Variants in SOX5 observed in about 807,000 individuals in gnomAD.
SOX5 encodes the protein transcription factor SOX-5.
In SOX5, 9 loss-of-function variants were observed where a neutral mutation model predicts 92.0. The observed-to-expected ratio is 0.10, with a 90% CI of 0.06 to 0.17. SOX5 has a LOEUF of 0.17. Among genes scored for constraint, SOX5 ranks in the 10% least tolerant of loss-of-function variants. SOX5 has a pLI of 1.00. For missense variants in SOX5, 642 were observed against 944.5 expected, an observed-to-expected ratio of 0.68 and a Z score of 4.20; for synonymous variants, 344 against 336.3, an observed-to-expected ratio of 1.02 and a Z score of -0.25.
At chr12:23,628,593 G>A (rs962602383) in intron 8 of SOX5, among the ~76,000 whole-genome samples, 5 of 151,942 alleles carry the variant, frequency 3.3e-5, no homozygotes, top group East Asian at 1.9e-4. Context: ...CTGTTCCTCC[G>A]TTTCTCCTTG....
At chr12:24,539,011 T>A (rs1177345528) in intron 1 of SOX5, among the ~76,000 whole-genome samples, 1 of 152,194 alleles carries the variant, frequency 6.6e-6, no homozygotes, top group Non-Finnish European at 1.5e-5. Context: ...CAAAAAGTCA[T>A]GGCAATTAAT....
intron 1 of SOX5, among the ~76,000 whole-genome samples, chr12:23,933,094 C>A (rs1042047807): frequency 1.3e-5 from 2 of 151,618 alleles, no homozygotes; most frequent in East Asian, 3.9e-4. Flanking sequence ...GTTTTGCTTT[C>A]TGAAGTTTCA....
chr12:23,931,757 T>C (rs1053978375), intron 1 of SOX5, among the ~76,000 whole-genome samples: 1 of 151,706 alleles, frequency 6.6e-6, no homozygotes. Flanking sequence ...CTGAGGTAAG[T>C]AGCATCTAGC....
Position 24,420,596 on chromosome 12 carries a change from A to T in SOX5, c.-250-51957T>A, listed in dbSNP as rs115181226. On this transcript the variant is annotated intron_variant, in intron 1 of 4. Transcript: ENST00000446891. Reference sequence around the variant, plus strand: ...CTGGAAAAATAAAAAGATATAATCAATTATTTATCCTGCCTTTCCTATATG... The same window carrying T: ...CTGGAAAAATAAAAAGATATAATCATTTATTTATCCTGCCTTTCCTATATG... Among the ~76,000 whole-genome samples, 784 of 152,324 alleles carry T rather than the reference A, an allele frequency of 5.1e-3. 5 individuals carry two copies. The highest frequency in any genetic ancestry group is 0.018 in the African/African-American group (765 of 41,578).
chr12:24,041,275 T>C (rs1346426376), intron 4 of SOX5, among the ~76,000 whole-genome samples: 2 of 152,204 alleles, frequency 1.3e-5, no homozygotes, highest in African/African-American at 4.8e-5. Flanking sequence ...TGAGTGATAC[T>C]AATCTTAGAT....
rs758550572 is a variant in SOX5, at chr12:23,546,349, T to C, written c.1564A>G (p.Met522Val). The C allele has an allele frequency of 3.4e-5, 55 of 1,602,592 alleles. No homozygotes were observed. The highest frequency in any genetic ancestry group is 4.4e-5 in the Non-Finnish European group (51 of 1,169,774). Residue 522 changes from methionine to valine, a missense_variant, in exon 12 of 15, where the codon ATG (methionine) becomes GTG (valine). Physicochemically the swap from Met to Val is conservative, Grantham distance 21. This residue lies in a region of SOX5 where 324 missense variants were observed against 461.6 expected (regional missense o/e 0.70). Coordinates refer to ENST00000451604, the MANE Select transcript of SOX5 (RefSeq NM_006940.6). ...TCTCCACTCAGATTGAAATCCATCA[T>C]TGCATGGCTAAATTTTCCTTCTTCA... ...QNEEGKFSHA[M>V]MDFNLSGDSD...
At chr12:24,171,215 TTG>T (rs751744580) in intron 4 of SOX5, among the ~76,000 whole-genome samples, 19,203 of 49,702 alleles carry the variant, frequency 0.39, 4,053 homozygotes, top group East Asian at 0.65. Flanking sequence ...ACAGTTTTTT[TTG>T]TTTGTTTGTT....
chr12:24,372,920 C>A (rs1845668068), intron 1 of SOX5, among the ~76,000 whole-genome samples: 1 of 144,768 alleles, frequency 6.9e-6, no homozygotes, highest in Non-Finnish European at 1.5e-5. Context: ...TCAAGACCAG[C>A]CTGGGAAAAA....
At chr12:23,665,052 T>C (rs969178341) in intron 7 of SOX5, among the ~76,000 whole-genome samples, 2 of 152,140 alleles carry the variant, frequency 1.3e-5, no homozygotes, top group African/African-American at 4.8e-5. Flanking sequence ...ATTTAGGCTG[T>C]AAATATTTGG....
At chr12:24,330,750 T>C (rs1438918348) in intron 2 of SOX5, among the ~76,000 whole-genome samples, 3 of 152,254 alleles carry the variant, frequency 2.0e-5, no homozygotes, top group Non-Finnish European at 4.4e-5. Flanking sequence ...TGAGTGAATA[T>C]GTCTGCACAG....
At chr12:23,849,947 T>C (rs1196788761) in intron 2 of SOX5, among the ~76,000 whole-genome samples, 1 of 152,106 alleles carries the variant, frequency 6.6e-6, no homozygotes, top group Non-Finnish European at 1.5e-5. Flanking sequence ...GTTTTCAATT[T>C]AGAAAAAAGC....
intron 4 of SOX5, among the ~76,000 whole-genome samples, chr12:23,748,425 T>G (rs1398655945): frequency 6.6e-6 from 1 of 151,932 alleles, no homozygotes; most frequent in Non-Finnish European, 1.5e-5. Flanking sequence ...ATCGAAATAA[T>G]AAGAAAAAAT....
intron 4 of SOX5, among the ~76,000 whole-genome samples, chr12:23,996,416 C>T (rs999116046): frequency 1.8e-4 from 28 of 152,084 alleles, no homozygotes; most frequent in Non-Finnish European, 3.4e-4. Flanking sequence ...AAATCTACCA[C>T]GGAAAACAGT....
intron 1 of SOX5, among the ~76,000 whole-genome samples, chr12:24,435,016 A>G (rs1939134482): frequency 6.6e-6 from 1 of 152,042 alleles, no homozygotes; most frequent in South Asian, 2.1e-4. Context: ...CCTTTTGGAG[A>G]CTACATTGCA....
chr12:24,288,800 C>G (rs371433179), intron 2 of SOX5, among the ~76,000 whole-genome samples: 1 of 151,724 alleles, frequency 6.6e-6, no homozygotes, highest in South Asian at 2.1e-4. Context: ...CCCTCCCCAC[C>G]ACCTGCACAC....
chr12:24,497,707 C>A (rs927368820), intron 1 of SOX5, among the ~76,000 whole-genome samples: 1 of 151,948 alleles, frequency 6.6e-6, no homozygotes, highest in Admixed American at 6.6e-5. Flanking sequence ...GAGTACACAC[C>A]CAAAGGAATA....
intron 9 of SOX5, among the ~76,000 whole-genome samples, chr12:23,589,585 T>C (rs993579300): frequency 4.6e-5 from 7 of 151,896 alleles, no homozygotes; most frequent in Non-Finnish European, 1.0e-4. Context: ...TAAAGCACAG[T>C]AAGGGCTGGG....
At chr12:23,982,117 T>A (rs1949630041) in intron 4 of SOX5, among the ~76,000 whole-genome samples, 1 of 152,176 alleles carries the variant, frequency 6.6e-6, no homozygotes, top group Non-Finnish European at 1.5e-5. Flanking sequence ...GAACGAACAT[T>A]TGAACCTGAA....
chr12:24,389,864 T>G (rs1419096279), intron 1 of SOX5, among the ~76,000 whole-genome samples: 1 of 152,216 alleles, frequency 6.6e-6, no homozygotes, highest in Non-Finnish European at 1.5e-5. Flanking sequence ...TTCTAATTTC[T>G]CCATATCATC....
Sources: gnomAD v4.1 joint callset for allele counts (sites outside exome capture counted in the v4.1 genomes callset) on GRCh38, gnomAD v4.1.1 for gene constraint, gnomAD v4.1.1 regional missense constraint, MANE v1.5 for transcripts, NCBI Gene and HGNC (gene_info 2026-07-23, HGNC 2026-07-21) for gene names.